ANKS1B: variants seen among roughly 807,000 people sequenced by gnomAD.
ANKS1B encodes the protein ankyrin repeat and sterile alpha motif domain-containing protein 1B.
Under a neutral mutation model 148.3 loss-of-function variants are expected in ANKS1B, and 36 were observed. The ratio of observed to expected loss-of-function variants is 0.24; its 90% CI spans 0.19 to 0.32. The LOEUF is 0.32. Ranked by LOEUF, ANKS1B falls within the 10% of genes least tolerant of loss-of-function variation. The pLI is 1.00. For synonymous variants in ANKS1B, 542 were observed against 560.8 expected (o/e 0.97, Z 0.47); for missense variants, 1,157 against 1,542.6 (o/e 0.75, Z 4.19).
Position 99,779,727 on chromosome 12 carries a change from T to C in ANKS1B, c.847+144A>G, listed in dbSNP as rs1432571415. ...TAAAACATTAAAAGGTATTATTATT[T>C]AGTTTAAAAGTCTACCAGAAAAAAA... is the stretch of plus-strand genomic sequence containing the variant. On this transcript the variant is annotated intron_variant, in intron 6 of 26. Coordinates refer to ENST00000683438, the MANE Select transcript of ANKS1B (RefSeq NM_001352186.2). 8.4e-6 allele frequency: 5 copies of C among 597,150 alleles called. No homozygotes were observed. The African/African-American group carries it at 9.5e-5, about 11-fold the overall frequency. 37.0% of individuals were successfully genotyped at this position (597,150 alleles called of 1,614,324 possible).
At chr12:99,742,763 G>A (rs10400589) in intron 8 of ANKS1B, among the ~76,000 whole-genome samples, 65,922 of 150,298 alleles carry the variant, frequency 0.44, 14,826 homozygotes, top group South Asian at 0.61. Context: ...TCTTGAACCC[G>A]GGAGGCAGAG....
chr12:99,393,574 T>A (rs1364684989), intron 12 of ANKS1B, among the ~76,000 whole-genome samples: 2 of 152,202 alleles, frequency 1.3e-5, no homozygotes, highest in Admixed American at 1.3e-4. Flanking sequence ...GAAATTGTTG[T>A]ACTGATTTAA....
intron 20 of ANKS1B, among the ~76,000 whole-genome samples, chr12:98,807,270 A>G (rs2153612950): frequency 6.6e-6 from 1 of 152,282 alleles, no homozygotes; most frequent in Middle Eastern, 3.4e-3. Flanking sequence ...TGCAAAGATC[A>G]ATTCAGTACT....
Position 98,773,145 on chromosome 12 carries a change from G to C in ANKS1B, c.3476C>G (p.Ser1159Cys). ...IIAEHEIRNISCAAQDPEDLS... is the reference protein window; with the variant it reads ...IIAEHEIRNICCAAQDPEDLS... ...GTCTTCTGGGTCCTGGGCAGCACAGGAGATATTACGAATTTCATGCTCAGC... is the reference window on the plus strand; with the variant it reads ...GTCTTCTGGGTCCTGGGCAGCACAGCAGATATTACGAATTTCATGCTCAGC... Residue 1159 changes from serine (S) to cysteine (C), a missense_variant, in exon 25 of 27, where the codon TCC becomes TGC. Ser to Cys is a moderately radical substitution (Grantham distance 112). Coordinates refer to ENST00000683438, the MANE Select transcript of ANKS1B (RefSeq NM_001352186.2). 1 of 1,610,258 alleles carries C rather than the reference G, an allele frequency of 6.2e-7. No homozygotes were observed.
intron 8 of ANKS1B, among the ~76,000 whole-genome samples, chr12:99,732,250 TC>T (rs2059233724): frequency 6.6e-6 from 1 of 152,124 alleles, no homozygotes; most frequent in Non-Finnish European, 1.5e-5. Flanking sequence ...TGGCAATTTC[TC>T]CAAAAGTTAA....
chr12:99,905,963 G>A (rs1207052912), intron 1 of ANKS1B, among the ~76,000 whole-genome samples: 1 of 152,184 alleles, frequency 6.6e-6, no homozygotes, highest in African/African-American at 2.4e-5. Context: ...TCTAACAGAG[G>A]TTAGATGAAT....
intron 16 of ANKS1B, among the ~76,000 whole-genome samples, chr12:99,077,973 CTTTGT>C (rs2048392848): frequency 6.6e-6 from 1 of 152,176 alleles, no homozygotes. Flanking sequence ...GCCCCCAATG[CTTTGT>C]TTTGTTAACA....
chr12:99,636,628 T>C (rs2098239335), intron 9 of ANKS1B, among the ~76,000 whole-genome samples: 1 of 152,060 alleles, frequency 6.6e-6, no homozygotes, highest in East Asian at 1.9e-4. Flanking sequence ...AAATAGAATA[T>C]GAAAAGGACA....
At position 99,739,270 on chromosome 12, in the gene ANKS1B, C is replaced by T. The variant is rs559753097; in HGVS notation, c.1128+33652G>A. ...ATCTTGGGGCTTCAAAAGAAACTTC[C>T]ATTTTAATATCCTTTTACATTAATA... On this transcript the variant is annotated intron_variant, in intron 8 of 26. Coordinates refer to ENST00000683438, the MANE Select transcript of ANKS1B (RefSeq NM_001352186.2). 2.0e-3 allele frequency among the ~76,000 whole-genome samples: 269 copies of T among 136,554 alleles called. 1 individual carries two copies. Among genetic ancestry groups the T allele is most frequent in the Non-Finnish European group, 3.3e-3 (217 of 65,732 alleles). The allele number at this position is 136,554 out of a possible 152,430, so 89.6% of individuals were successfully genotyped here. A position where few individuals can be genotyped will look rare whatever the true frequency, so the allele number is the denominator to read the frequency against.
At chr12:99,798,117 A>C (rs988504487) in intron 4 of ANKS1B, among the ~76,000 whole-genome samples, 1 of 151,946 alleles carries the variant, frequency 6.6e-6, no homozygotes, top group African/African-American at 2.4e-5. Flanking sequence ...CAAATTTAGC[A>C]CTCCAACCAT....
chr12:99,055,725 G>GGC (rs1034769028), intron 16 of ANKS1B, among the ~76,000 whole-genome samples: 1 of 150,506 alleles, frequency 6.6e-6, no homozygotes, highest in African/African-American at 2.4e-5. Flanking sequence ...TAAACTTGGG[G>GGC]GGGGGGGAGG....
chr12:99,887,575 C>T (rs1468544043), intron 1 of ANKS1B, among the ~76,000 whole-genome samples: 1 of 152,098 alleles, frequency 6.6e-6, no homozygotes, highest in Non-Finnish European at 1.5e-5. Context: ...AGGTTTACTT[C>T]CCAGACTCTA....
chr12:99,884,190 G>A (rs990484507), intron 1 of ANKS1B, among the ~76,000 whole-genome samples: 1 of 152,024 alleles, frequency 6.6e-6, no homozygotes, highest in African/African-American at 2.4e-5. Context: ...ATTAGAAAAT[G>A]TAAATAAAAA....
At chr12:99,552,212 G>T (rs936422866) in intron 9 of ANKS1B, among the ~76,000 whole-genome samples, 2 of 152,100 alleles carry the variant, frequency 1.3e-5, no homozygotes, top group African/African-American at 4.8e-5. Flanking sequence ...CAATTATAAT[G>T]AAATGATTGT....
chr12:99,607,975 T>C (rs1191616304), intron 9 of ANKS1B, among the ~76,000 whole-genome samples: 1 of 152,006 alleles, frequency 6.6e-6, no homozygotes, highest in Non-Finnish European at 1.5e-5. Context: ...CTATGAGTGG[T>C]ACAAAAAGTA....
intron 15 of ANKS1B, among the ~76,000 whole-genome samples, chr12:99,140,055 C>T (rs2070061696): frequency 6.6e-6 from 1 of 152,140 alleles, no homozygotes; most frequent in African/African-American, 2.4e-5. Flanking sequence ...ACTAGACTCT[C>T]GAGGATTCAA....
At chr12:99,281,378 T>A (rs1439678913) in intron 12 of ANKS1B, among the ~76,000 whole-genome samples, 1 of 152,164 alleles carries the variant, frequency 6.6e-6, no homozygotes, top group Non-Finnish European at 1.5e-5. Flanking sequence ...GCTTGTGAAT[T>A]TTCAAAATTA....
At chr12:99,626,820 C>T (rs1396495144) in intron 9 of ANKS1B, among the ~76,000 whole-genome samples, 3 of 152,070 alleles carry the variant, frequency 2.0e-5, no homozygotes, top group Admixed American at 6.6e-5. Context: ...AGCACTAGAC[C>T]GCAGGGTCAA....
intron 9 of ANKS1B, among the ~76,000 whole-genome samples, chr12:99,542,108 G>C (rs746907307): frequency 6.6e-6 from 1 of 152,090 alleles, no homozygotes; most frequent in Non-Finnish European, 1.5e-5. Flanking sequence ...AGATTGGAAA[G>C]AAAGAAGTAA....
Sources: gnomAD v4.1 joint callset for allele counts (sites outside exome capture counted in the v4.1 genomes callset) on GRCh38, gnomAD v4.1.1 for gene constraint, MANE v1.5 for transcripts, NCBI Gene and HGNC (gene_info 2026-07-23, HGNC 2026-07-21) for gene names.